Variants in RAPH1 observed in about 807,000 individuals in gnomAD.
The protein encoded by RAPH1 is Ras association (RalGDS/AF-6) and pleckstrin homology domains 1, also known as ras-associated and pleckstrin homology domains-containing protein 1.
A neutral mutation model predicts 88.1 loss-of-function variants in RAPH1; 18 were observed. The ratio of observed to expected loss-of-function variants is 0.20; its 90% CI spans 0.14 to 0.30. The LOEUF (loss-of-function observed/expected upper bound fraction) is 0.30. Among genes scored for constraint, RAPH1 ranks in the 10% least tolerant of loss-of-function variants. The pLI, the probability that RAPH1 is intolerant of heterozygous loss-of-function variation, is 1.00. For missense variants in RAPH1, 1,448 were observed against 1,543.2 expected, an observed-to-expected ratio of 0.94 and a Z score of 1.03; for synonymous variants, 587 against 559.0, an observed-to-expected ratio of 1.05 and a Z score of -0.71.
intron 4 of RAPH1, among the ~76,000 whole-genome samples, chr2:203,481,523 A>T (rs1687718289): frequency 6.7e-6 from 1 of 150,154 alleles, no homozygotes; most frequent in Non-Finnish European, 1.5e-5. Context: ...TGTTTTTAAA[A>T]CTATTTCTTT....
At chr2:203,506,842 A>ATCTATATATC (rs1174789704) in intron 1 of RAPH1, among the ~76,000 whole-genome samples, 5 of 48,602 alleles carry the variant, frequency 1.0e-4, no homozygotes, top group Non-Finnish European at 2.2e-4. Context: ...CTATATCTAT[A>ATCTATATATC]TATCTATCTA....
At chr2:203,466,089 A>G (rs2098528209) in intron 4 of RAPH1, among the ~76,000 whole-genome samples, 1 of 152,212 alleles carries the variant, frequency 6.6e-6, no homozygotes, top group South Asian at 2.1e-4. Flanking sequence ...AAAGTGGTCC[A>G]TGTTAAAACT....
At chr2:203,446,086 T>A (rs2098509320) in intron 12 of RAPH1, 1 of 152,224 alleles carries the variant, frequency 6.6e-6, no homozygotes, top group South Asian at 2.1e-4. Flanking sequence ...ACACTTTATT[T>A]GGATTTCACT....
intron 1 of RAPH1, among the ~76,000 whole-genome samples, chr2:203,512,250 G>A (rs551852159): frequency 4.7e-5 from 7 of 150,014 alleles, no homozygotes; most frequent in Admixed American, 1.3e-4. Flanking sequence ...CCAACATGAC[G>A]AAACCCTGTC....
intron 12 of RAPH1, chr2:203,446,116 T>G (rs1419067361): frequency 2.0e-5 from 3 of 152,218 alleles, no homozygotes; most frequent in African/African-American, 7.2e-5. Flanking sequence ...CTCATGTGCC[T>G]TTTCTGATCC....
Position 203,438,200 on chromosome 2 carries a change from T to TATA in RAPH1, c.*1234_*1236dup. The TATA allele has an allele frequency of 1.9e-6, 1 of 518,462 alleles. No individual in the cohort carries two copies. Among genetic ancestry groups the TATA allele is most frequent in the Non-Finnish European group, 3.9e-6 (1 of 259,710 alleles). 32.1% of individuals were successfully genotyped at this position (518,462 alleles called of 1,614,324 possible). On this transcript the variant is annotated 3_prime_UTR_variant, in exon 14 of 14. Coordinates refer to ENST00000319170, the MANE Select transcript of RAPH1 (RefSeq NM_213589.3). The stretch of plus-strand genomic sequence containing the variant: ...CAAGGGTCCTGGTAGCCCCAGTAGC[T>TATA]ATAAATGAAACTGTCTTCCCTCTCC...
chr2:203,458,666 A>C (rs1177622577), intron 7 of RAPH1, among the ~76,000 whole-genome samples: 1 of 152,178 alleles, frequency 6.6e-6, no homozygotes. Flanking sequence ...GTTTTTTAGA[A>C]CCTGGAATTA....
intron 4 of RAPH1, among the ~76,000 whole-genome samples, chr2:203,466,271 G>A (rs2098528380): frequency 6.6e-6 from 1 of 152,190 alleles, no homozygotes; most frequent in Non-Finnish European, 1.5e-5. Context: ...AAATGAAAAT[G>A]TTTATGTCAA....
At chr2:203,481,790 C>T (rs572461711) in intron 4 of RAPH1, among the ~76,000 whole-genome samples, 95 of 147,402 alleles carry the variant, frequency 6.4e-4, no homozygotes, top group Non-Finnish European at 1.1e-3. Context: ...TTAGTAGAGA[C>T]GGGGTTTCAC....
intron 1 of RAPH1, among the ~76,000 whole-genome samples, chr2:203,523,369 G>A (rs2264902): frequency 0.099 from 14,985 of 150,694 alleles, 1,508 homozygotes; most frequent in African/African-American, 0.26. Context: ...CTCTGGCCTG[G>A]GTGAAAGAGC....
At chr2:203,468,684 C>T (rs544624422) in intron 4 of RAPH1, among the ~76,000 whole-genome samples, 1 of 152,260 alleles carries the variant, frequency 6.6e-6, no homozygotes, top group South Asian at 2.1e-4. Flanking sequence ...TATCCCAGCA[C>T]CTGGCAGTTC....
In RAPH1 at chr2:203,439,774, G is replaced by A. The variant is rs1242894204; in HGVS notation, c.3416C>T (p.Ser1139Phe). 6.2e-7 allele frequency: 1 copy of A among 1,614,206 alleles called. No homozygotes were observed. Among genetic ancestry groups the A allele is most frequent in the Admixed American group, 1.7e-5 (1 of 60,032 alleles). ...DSTRLTQAEI[S>F]EQPTMATVVP... is the part of the protein sequence containing the mutation. Reference sequence around the variant, plus strand: ...AACTGTGGCCATTGTTGGCTGCTCAGAAATCTCAGCTTGAGTGAGGCGGGT... The same window carrying A: ...AACTGTGGCCATTGTTGGCTGCTCAAAAATCTCAGCTTGAGTGAGGCGGGT... The change falls in exon 14 of 14, where the codon TCT (serine) becomes TTT (phenylalanine). Residue 1139 changes from serine to phenylalanine, a missense_variant. Coordinates refer to ENST00000319170, the MANE Select transcript of RAPH1 (RefSeq NM_213589.3).
intron 13 of RAPH1, chr2:203,442,355 T>G (rs1056740419): frequency 3.4e-6 from 1 of 290,380 alleles, no homozygotes; most frequent in African/African-American, 2.2e-5. Flanking sequence ...TTAAAAACTT[T>G]AGGTACATCT....
chr2:203,494,017 A>AAAAAT (rs1581356790), intron 2 of RAPH1, among the ~76,000 whole-genome samples: 7 of 129,958 alleles, frequency 5.4e-5, no homozygotes, highest in South Asian at 2.5e-4. Flanking sequence ...AAAAAAAAAA[A>AAAAAT]TCCCCCCAAA....
chr2:203,527,037 G>A (rs1222365470), intron 1 of RAPH1, among the ~76,000 whole-genome samples: 4 of 152,002 alleles, frequency 2.6e-5, no homozygotes, highest in East Asian at 3.9e-4. Context: ...GCCCACCTTG[G>A]CCTCCCAAAG....
chr2:203,506,657 A>C (rs1689016220), intron 1 of RAPH1, among the ~76,000 whole-genome samples: 1 of 150,092 alleles, frequency 6.7e-6, no homozygotes. Flanking sequence ...TCAGGGGTCT[A>C]ATCTGTGAAA....
intron 4 of RAPH1, among the ~76,000 whole-genome samples, chr2:203,477,936 C>G (rs911013940): frequency 1.1e-4 from 17 of 152,132 alleles, no homozygotes; most frequent in African/African-American, 4.1e-4. Flanking sequence ...CCCAGCCACT[C>G]ATTTTTCCCT....
At chr2:203,510,628 A>G (rs1402330119) in intron 1 of RAPH1, among the ~76,000 whole-genome samples, 3 of 151,948 alleles carry the variant, frequency 2.0e-5, no homozygotes, top group East Asian at 3.9e-4. Context: ...GCCAATATAC[A>G]TACTGGTGGT....
intron 1 of RAPH1, among the ~76,000 whole-genome samples, chr2:203,523,633 C>G (rs1317473139): frequency 6.6e-6 from 1 of 152,026 alleles, no homozygotes; most frequent in African/African-American, 2.4e-5. Context: ...AGGGCACAAA[C>G]GACACTAACC....
Sources: gnomAD v4.1 joint callset for allele counts (sites outside exome capture counted in the v4.1 genomes callset) on GRCh38, gnomAD v4.1.1 for gene constraint, MANE v1.5 for transcripts, NCBI Gene and HGNC (gene_info 2026-07-23, HGNC 2026-07-21) for gene names.